Variants in CDH18 observed in about 807,000 individuals in gnomAD.
The protein encoded by CDH18 is cadherin 18, also known as cadherin-18.
Under a neutral mutation model 67.9 loss-of-function variants are expected in CDH18, and 31 were observed. That is an observed-to-expected ratio of 0.46 (90% confidence interval 0.34 to 0.62). CDH18 has a LOEUF of 0.62. Ranked by LOEUF, CDH18 falls within the 20% of genes least tolerant of loss-of-function variation. CDH18 has a pLI of 0.01. For missense variants in CDH18, 890 were observed against 975.5 expected (o/e 0.91, Z 1.17); for synonymous variants, 362 against 347.2 (o/e 1.04, Z -0.48).
At chr5:19,603,846 A>C (rs564525895) in intron 6 of CDH18, among the ~76,000 whole-genome samples, 10 of 149,348 alleles carry the variant, frequency 6.7e-5, no homozygotes, top group African/African-American at 1.9e-4. Flanking sequence ...ACATAAATAA[A>C]ATATATATAA....
chr5:19,532,604 G>A (rs1748808234), intron 9 of CDH18, among the ~76,000 whole-genome samples: 1 of 152,054 alleles, frequency 6.6e-6, no homozygotes, highest in Non-Finnish European at 1.5e-5. Flanking sequence ...TGTTTTAAAA[G>A]GAACATTATG....
chr5:20,501,569 A>ATATATATATATTATATATATATATT (rs1491455085), intron 1 of CDH18, among the ~76,000 whole-genome samples: 175 of 16,134 alleles, frequency 0.011, no homozygotes, highest in Non-Finnish European at 0.023. Context: ...ATATATATAT[A>ATATATATATATTATATATATATATT]ATATATATAT....
intron 1 of CDH18, among the ~76,000 whole-genome samples, chr5:20,313,506 T>A (rs530643945): frequency 4.5e-4 from 69 of 152,238 alleles, no homozygotes; most frequent in Non-Finnish European, 9.0e-4. Context: ...ATAAAGTACC[T>A]CCACTGACTT....
At chr5:20,562,948 A>G in intron 1 of CDH18, among the ~76,000 whole-genome samples, 1 of 151,304 alleles carries the variant, frequency 6.6e-6, no homozygotes, top group East Asian at 1.9e-4. Flanking sequence ...CTCCTACTTA[A>G]TGTCAATTCT....
At chr5:20,486,029 A>G (rs937054436) in intron 1 of CDH18, among the ~76,000 whole-genome samples, 22 of 152,202 alleles carry the variant, frequency 1.4e-4, no homozygotes, top group African/African-American at 5.3e-4. Flanking sequence ...ATTTGGCTGG[A>G]TGATCCCGAT....
chr5:20,095,444 A>AAAGAAAGAAAGAAAAG lies in CDH18; in HGVS notation c.-517-103431_-517-103430insCTTTTCTTTCTTTCTT, dbSNP rs1351361955. The stretch of plus-strand genomic sequence containing the variant: ...GAAAGAAAGAAAGAAAGAAAGAAAG[A>AAAGAAAGAAAGAAAAG]AAAGAAAGAAAGAAAGAAGAAAGAA... On this transcript the variant is annotated intron_variant, in intron 2 of 14. Transcript: ENST00000507958. Among the ~76,000 whole-genome samples the AAAGAAAGAAAGAAAAG allele has an allele frequency of 7.2e-4, 59 of 81,904 alleles. 1 individual carries two copies. The highest frequency in any genetic ancestry group is 2.3e-3 in the African/African-American group (51 of 21,734). 53.7% of individuals were successfully genotyped at this position (81,904 alleles called of 152,430 possible). A position where few individuals can be genotyped will look rare whatever the true frequency, so the allele number is the denominator to read the frequency against.
Position 19,872,408 on chromosome 5 carries a change from GT to G in CDH18, c.-256-33167del, listed in dbSNP as rs1298903557. Reference sequence around the variant, plus strand: ...TTAAAATTTTACAAATTTAATTGAGGTTTTGAATCAGTTGACTGAGGCAATC... The same window carrying G: ...TTAAAATTTTACAAATTTAATTGAGGTTTGAATCAGTTGACTGAGGCAATC... On this transcript the variant is annotated intron_variant, in intron 2 of 12. Coordinates refer to ENST00000382275, the MANE Select transcript of CDH18 (RefSeq NM_004934.5). Among the ~76,000 whole-genome samples the G allele has an allele frequency of 1.3e-5, 2 of 152,122 alleles. 1 individual carries two copies. The highest frequency in any genetic ancestry group is 4.8e-5 in the African/African-American group (2 of 41,412).
chr5:19,947,914 C>T (rs1795431898), intron 2 of CDH18, among the ~76,000 whole-genome samples: 1 of 152,070 alleles, frequency 6.6e-6, no homozygotes, highest in East Asian at 1.9e-4. Flanking sequence ...ATATAATAAA[C>T]TCTCAAATCT....
At chr5:19,527,870 A>G (rs1365258454) in intron 9 of CDH18, among the ~76,000 whole-genome samples, 1 of 151,706 alleles carries the variant, frequency 6.6e-6, no homozygotes, top group Non-Finnish European at 1.5e-5. Context: ...TTGCCTATAA[A>G]TCCTCCAATA....
At chr5:19,882,627 C>T (rs1787773690) in intron 2 of CDH18, among the ~76,000 whole-genome samples, 3 of 152,124 alleles carry the variant, frequency 2.0e-5, no homozygotes. Flanking sequence ...TGTATCCAAA[C>T]TCTCTGAAGT....
At chr5:19,756,470 A>G (rs889767198) in intron 3 of CDH18, among the ~76,000 whole-genome samples, 2 of 152,036 alleles carry the variant, frequency 1.3e-5, no homozygotes, top group Non-Finnish European at 2.9e-5. Flanking sequence ...CCAAACCTTT[A>G]CTCCTGAGAG....
chr5:20,056,893 G>A (rs1444205957), intron 2 of CDH18, among the ~76,000 whole-genome samples: 1 of 151,046 alleles, frequency 6.6e-6, no homozygotes, highest in Non-Finnish European at 1.5e-5. Flanking sequence ...CACTGTGATA[G>A]CCAGGATGGT....
intron 3 of CDH18, among the ~76,000 whole-genome samples, chr5:19,815,143 A>G (rs1330113205): frequency 6.6e-6 from 1 of 152,020 alleles, no homozygotes; most frequent in Non-Finnish European, 1.5e-5. Context: ...CTCAAATAAA[A>G]TTCATTTTCT....
At chr5:19,862,026 C>T (rs564436438) in intron 2 of CDH18, among the ~76,000 whole-genome samples, 41 of 151,890 alleles carry the variant, frequency 2.7e-4, no homozygotes, top group African/African-American at 8.7e-4. Flanking sequence ...TCAATGAATT[C>T]GACATAGGTG....
At position 19,526,973 on chromosome 5, in the gene CDH18, A is replaced by G. The variant is rs555514661; in HGVS notation, c.1391-6195T>C. On this transcript the variant is annotated intron_variant, in intron 9 of 12. Coordinates refer to ENST00000382275, the MANE Select transcript of CDH18 (RefSeq NM_004934.5). The stretch of plus-strand genomic sequence containing the variant: ...CCCATGAGAATAAAGATGGTTTATA[A>G]ATTGTATTTTTGGTCTGTCTGATTT... Among the ~76,000 whole-genome samples, 9 of 152,016 alleles carry G rather than the reference A, an allele frequency of 5.9e-5. No homozygotes were observed. The South Asian group carries it at 1.9e-3, about 32-fold the overall frequency.
At chr5:19,982,104 C>G (rs1799109563) in intron 1 of CDH18, among the ~76,000 whole-genome samples, 1 of 152,114 alleles carries the variant, frequency 6.6e-6, no homozygotes, top group Non-Finnish European at 1.5e-5. Flanking sequence ...AAAATTTCTA[C>G]AGGTAGAATT....
At chr5:20,568,025 GT>G (rs1287987776) in intron 1 of CDH18, among the ~76,000 whole-genome samples, 3 of 152,136 alleles carry the variant, frequency 2.0e-5, no homozygotes. Flanking sequence ...TCCTGCTATT[GT>G]TTATATGTCT....
intron 2 of CDH18, among the ~76,000 whole-genome samples, chr5:20,241,314 A>T (rs1215266471): frequency 6.6e-6 from 1 of 152,196 alleles, no homozygotes; most frequent in East Asian, 1.9e-4. Flanking sequence ...TCTCTCTGAC[A>T]TCAAAACCTA....
intron 5 of CDH18, among the ~76,000 whole-genome samples, chr5:19,667,267 CA>C (rs1177564535): frequency 6.6e-6 from 1 of 151,236 alleles, no homozygotes; most frequent in Admixed American, 6.6e-5. Flanking sequence ...AAAAACTGAT[CA>C]AAATATACTT....
Sources: gnomAD v4.1 joint callset for allele counts (sites outside exome capture counted in the v4.1 genomes callset) on GRCh38, gnomAD v4.1.1 for gene constraint, MANE v1.5 for transcripts, NCBI Gene and HGNC (gene_info 2026-07-23, HGNC 2026-07-21) for gene names.